The following SORCS1 variants were observed in gnomAD, a reference collection of about 807,000 sequenced individuals.
The protein encoded by SORCS1 is VPS10 domain-containing receptor SorCS1.
A neutral mutation model predicts 146.1 loss-of-function variants in SORCS1; 60 were observed. That is an observed-to-expected ratio of 0.41 (90% CI 0.33 to 0.51). SORCS1 has a LOEUF of 0.51. Among genes scored for constraint, SORCS1 ranks in the 20% least tolerant of loss-of-function variants. SORCS1 has a pLI of 0.21. For missense variants in SORCS1, 1,352 were observed against 1,487.6 expected, an observed-to-expected ratio of 0.91 and a Z score of 1.50; for synonymous variants, 637 against 584.0, an observed-to-expected ratio of 1.09 and a Z score of -1.31.
At chr10:106,880,139 C>A (rs921489594) in intron 2 of SORCS1, among the ~76,000 whole-genome samples, 2 of 152,162 alleles carry the variant, frequency 1.3e-5, no homozygotes, top group Admixed American at 6.5e-5. Context: ...TATTTGGAAC[C>A]TGGGACAGGT....
At chr10:107,114,188 T>C (rs1162695774) in intron 1 of SORCS1, among the ~76,000 whole-genome samples, 1 of 152,168 alleles carries the variant, frequency 6.6e-6, no homozygotes, top group Non-Finnish European at 1.5e-5. Flanking sequence ...GGGTCAATTA[T>C]ACCAAACGTT....
At chr10:106,917,667 A>G (rs1317648659) in intron 2 of SORCS1, among the ~76,000 whole-genome samples, 1 of 152,166 alleles carries the variant, frequency 6.6e-6, no homozygotes, top group Non-Finnish European at 1.5e-5. Context: ...ACTGCCAGAT[A>G]TCCTATGTGG....
chr10:106,896,459 T>C (rs996741353), intron 2 of SORCS1, among the ~76,000 whole-genome samples: 33 of 146,278 alleles, frequency 2.3e-4, no homozygotes, highest in African/African-American at 7.9e-4. Context: ...AAATGAAAAG[T>C]AGAATAGTGG....
intron 6 of SORCS1, among the ~76,000 whole-genome samples, chr10:106,728,518 T>G (rs1856368873): frequency 6.6e-6 from 1 of 152,124 alleles, no homozygotes; most frequent in Non-Finnish European, 1.5e-5. Context: ...TGGTCAGCCT[T>G]GATCCCTAAC....
At chr10:106,726,730 T>C (rs928764302) in intron 6 of SORCS1, among the ~76,000 whole-genome samples, 1 of 152,150 alleles carries the variant, frequency 6.6e-6, no homozygotes, top group Admixed American at 6.5e-5. Flanking sequence ...GTTGTGGAAC[T>C]TTGCTACTCA....
chr10:106,795,245 T>C (rs894574347), intron 3 of SORCS1, among the ~76,000 whole-genome samples: 8 of 152,248 alleles, frequency 5.3e-5, no homozygotes, highest in Non-Finnish European at 1.2e-4. Context: ...GAGTCGAAGA[T>C]AATTTGTCAA....
chr10:107,090,508 A>G (rs1964108247), intron 1 of SORCS1, among the ~76,000 whole-genome samples: 1 of 152,188 alleles, frequency 6.6e-6, no homozygotes, highest in Admixed American at 6.5e-5. Flanking sequence ...GATGACAATT[A>G]TGACTGATAA....
intron 1 of SORCS1, among the ~76,000 whole-genome samples, chr10:107,041,576 A>C (rs1589998128): frequency 6.6e-6 from 1 of 152,100 alleles, no homozygotes; most frequent in South Asian, 2.1e-4. Context: ...TTAATTTGCA[A>C]TTGAAATACA....
At chr10:106,621,727 C>T (rs1847759590) in intron 19 of SORCS1, among the ~76,000 whole-genome samples, 1 of 151,960 alleles carries the variant, frequency 6.6e-6, no homozygotes, top group Non-Finnish European at 1.5e-5. Flanking sequence ...ACTCCAGAAA[C>T]AGAAAGTCAA....
chr10:106,958,683 T>C lies in SORCS1; in HGVS notation c.559-2103A>G, dbSNP rs1163560623. On this transcript the variant is annotated intron_variant, in intron 1 of 25. Transcript: ENST00000263054. The stretch of plus-strand genomic sequence containing the variant: ...CTTCCAGGTCCTGTTCAAAACTTGC[T>C]TCTTTAGCAAAACGTGAGCATGTGT... 2.6e-5 allele frequency among the ~76,000 whole-genome samples: 4 copies of C among 152,196 alleles called. No homozygotes were observed. In the East Asian group the frequency reaches 5.8e-4, roughly 22 times the overall value.
chr10:106,936,689 T>A (rs1258281367), intron 2 of SORCS1, among the ~76,000 whole-genome samples: 1 of 152,190 alleles, frequency 6.6e-6, no homozygotes. Flanking sequence ...GGTATGGCCT[T>A]GATGATGAGA....
intron 2 of SORCS1, among the ~76,000 whole-genome samples, chr10:106,899,257 T>G (rs75227742): frequency 6.6e-6 from 1 of 152,312 alleles, no homozygotes; most frequent in Non-Finnish European, 1.5e-5. Context: ...CACTAAGCCC[T>G]GGGGATTTAA....
At chr10:106,893,807 A>G (rs1372376241) in intron 2 of SORCS1, among the ~76,000 whole-genome samples, 2 of 152,258 alleles carry the variant, frequency 1.3e-5, no homozygotes, top group African/African-American at 4.8e-5. Flanking sequence ...ATAGCCTTCA[A>G]AAATGGATAA....
intron 16 of SORCS1, among the ~76,000 whole-genome samples, chr10:106,670,126 C>T (rs376424736): frequency 1.5e-3 from 234 of 152,074 alleles, no homozygotes; most frequent in African/African-American, 4.6e-3. Context: ...AACAAATAAA[C>T]GAATACATGA....
At chr10:107,007,827 CGCTT>C (rs1041742962) in intron 1 of SORCS1, among the ~76,000 whole-genome samples, 9 of 139,934 alleles carry the variant, frequency 6.4e-5, no homozygotes, top group African/African-American at 3.1e-4. Context: ...GGCCCAATTA[CGCTT>C]ACTTGATAGC....
the SORCS1 span, among the ~76,000 whole-genome samples, chr10:107,175,994 A>G: frequency 2.6e-5 from 4 of 152,086 alleles, no homozygotes; most frequent in African/African-American, 9.7e-5. Flanking sequence ...AATTTGAGTT[A>G]TTCTTTTGTA....
At chr10:107,119,359 A>C (rs1966246301) in intron 1 of SORCS1, among the ~76,000 whole-genome samples, 1 of 152,228 alleles carries the variant, frequency 6.6e-6, no homozygotes, top group Non-Finnish European at 1.5e-5. Flanking sequence ...AGGTATTGCA[A>C]CTAGTTTTAA....
intron 2 of SORCS1, among the ~76,000 whole-genome samples, chr10:106,955,685 A>G (rs1954903814): frequency 6.6e-6 from 1 of 152,194 alleles, no homozygotes; most frequent in African/African-American, 2.4e-5. Flanking sequence ...AAGGGAAGTT[A>G]GTAAAGGAAT....
chr10:106,743,394 TTGAC>T (rs1430994088), intron 5 of SORCS1, among the ~76,000 whole-genome samples: 1 of 152,184 alleles, frequency 6.6e-6, no homozygotes, highest in East Asian at 1.9e-4. Flanking sequence ...GGAAATATGT[TTGAC>T]TGCTTTATTA....
Sources: gnomAD v4.1 joint callset for allele counts (sites outside exome capture counted in the v4.1 genomes callset) on GRCh38, gnomAD v4.1.1 for gene constraint, MANE v1.5 for transcripts, NCBI Gene and HGNC (gene_info 2026-07-23, HGNC 2026-07-21) for gene names.